CCDC62: variants seen among roughly 807,000 people sequenced by gnomAD.
The protein encoded by CCDC62 is coiled-coil domain containing 62, also known as coiled-coil domain-containing protein 62.
In CCDC62, 72 loss-of-function variants were observed where a neutral mutation model predicts 80.8. The ratio of observed to expected loss-of-function variants is 0.89; its 90% CI spans 0.74 to 1.08. The LOEUF is 1.08. Among genes scored for constraint, CCDC62 ranks in the 50% least tolerant of loss-of-function variants. The probability of loss-of-function intolerance (pLI) is 0.00; values close to 1 mark genes in which losing one functional copy is unlikely to be tolerated. For synonymous variants in CCDC62, 286 were observed against 296.5 expected (o/e 0.96, Z 0.36); for missense variants, 704 against 809.4 (o/e 0.87, Z 1.58).
intron 4 of CCDC62, among the ~76,000 whole-genome samples, chr12:122,787,746 T>C (rs2030350052): frequency 6.7e-6 from 1 of 149,996 alleles, no homozygotes; most frequent in Non-Finnish European, 1.5e-5. Flanking sequence ...CGAGACTTCA[T>C]CTGGAAAAAA....
At chr12:122,818,740 T>G (rs1459986591) in intron 11 of CCDC62, among the ~76,000 whole-genome samples, 7 of 151,928 alleles carry the variant, frequency 4.6e-5, no homozygotes, top group African/African-American at 1.7e-4. Context: ...CTGGGCAAGA[T>G]AGTGAGACCC....
At chr12:122,811,707 C>G (rs1488377663) in intron 10 of CCDC62, among the ~76,000 whole-genome samples, 5 of 150,136 alleles carry the variant, frequency 3.3e-5, no homozygotes, top group Non-Finnish European at 5.9e-5. Flanking sequence ...GTAGTCCCAG[C>G]TACTCGGGAG....
At chr12:122,795,449 G>A (rs916448123) in intron 6 of CCDC62, among the ~76,000 whole-genome samples, 1 of 148,584 alleles carries the variant, frequency 6.7e-6, no homozygotes, top group African/African-American at 2.5e-5. Flanking sequence ...TTTTTGAGAC[G>A]GAGTCTCGCT....
At chr12:122,820,293 G>A (rs2032347836) in intron 11 of CCDC62, among the ~76,000 whole-genome samples, 1 of 152,188 alleles carries the variant, frequency 6.6e-6, no homozygotes, top group African/African-American at 2.4e-5. Flanking sequence ...GAAAAAAGGA[G>A]TTAGAGTAAG....
intron 11 of CCDC62, among the ~76,000 whole-genome samples, chr12:122,814,045 GC>G (rs1314052033): frequency 6.6e-6 from 1 of 151,358 alleles, no homozygotes; most frequent in Non-Finnish European, 1.5e-5. Context: ...ACTTTGGGAG[GC>G]CGAGGCGGGT....
Position 122,826,566 on chromosome 12 carries a change from T to C in CCDC62, c.*185T>C. ...ACTAGAAAGTTAATTTTTAAACATCTACACTTCATTTTCAAGTTAACCATT... is the reference window on the plus strand; with the variant it reads ...ACTAGAAAGTTAATTTTTAAACATCCACACTTCATTTTCAAGTTAACCATT... On this transcript the variant is annotated 3_prime_UTR_variant, in exon 13 of 13. Coordinates refer to ENST00000253079, the MANE Select transcript of CCDC62 (RefSeq NM_201435.5). 1 of 662,750 alleles carries C rather than the reference T, an allele frequency of 1.5e-6. No individual in the cohort carries two copies. The highest frequency in any genetic ancestry group is 2.8e-6 in the Non-Finnish European group (1 of 363,378). The allele number at this position is 662,750 out of a possible 1,614,324, so 41.1% of individuals were successfully genotyped here.
intron 11 of CCDC62, among the ~76,000 whole-genome samples, chr12:122,818,548 T>C (rs1432724186): frequency 6.6e-6 from 1 of 151,350 alleles, no homozygotes; most frequent in African/African-American, 2.4e-5. Context: ...CGCTTGAGCA[T>C]GAGGTCAAGG....
At chr12:122,821,781 G>A (rs962503680) in intron 11 of CCDC62, among the ~76,000 whole-genome samples, 1 of 151,820 alleles carries the variant, frequency 6.6e-6, no homozygotes, top group Non-Finnish European at 1.5e-5. Flanking sequence ...AATAATAATT[G>A]TATATATTTA....
rs760263928 is a variant in CCDC62, at chr12:122,801,753, G to A, written c.1607G>A (p.Ser536Asn). ...PGHMSDVEWM[S>N]IFKPSKMQRI... Reference sequence around the variant, plus strand: ...CACATGTCTGACGTGGAGTGGATGAGTATTTTCAAGCCTTCCAAAATGCAG... The same window carrying A: ...CACATGTCTGACGTGGAGTGGATGAATATTTTCAAGCCTTCCAAAATGCAG... Residue 536 changes from serine (S) to asparagine (N), a missense_variant, in exon 9 of 13, where the codon AGT becomes AAT. Physicochemically the swap from Ser to Asn is conservative, Grantham distance 46 (BLOSUM62 1). Coordinates refer to ENST00000253079, the MANE Select transcript of CCDC62 (RefSeq NM_201435.5). 1.9e-6 allele frequency: 3 copies of A among 1,614,158 alleles called. No homozygotes were observed. The highest frequency in any genetic ancestry group is 1.1e-5 in the South Asian group (1 of 91,086).
At chr12:122,779,872 C>T (rs895622706) in intron 2 of CCDC62, among the ~76,000 whole-genome samples, 2 of 128,186 alleles carry the variant, frequency 1.6e-5, no homozygotes, top group Non-Finnish European at 3.1e-5. Flanking sequence ...CACACCACTG[C>T]ACTCCAGCCT....
rs992769136 is a variant in CCDC62 at position 122,826,410 on chromosome 12, A to G, written c.*41-12A>G. 5.1e-6 allele frequency: 4 copies of G among 779,884 alleles called. 1 individual carries two copies. Among genetic ancestry groups the G allele is most frequent in the Non-Finnish European group, 4.8e-6 (2 of 417,810 alleles). 48.3% of individuals were successfully genotyped at this position (779,884 alleles called of 1,614,324 possible). A position where few individuals can be genotyped will look rare whatever the true frequency, so the allele number is the denominator to read the frequency against. ...ATTTTATTAATGTTGTGTTTTCTTCATCCAAAAGCAGATTTCTCATCTATG... is the reference window on the plus strand; with the variant it reads ...ATTTTATTAATGTTGTGTTTTCTTCGTCCAAAAGCAGATTTCTCATCTATG... On this transcript the variant is annotated splice_polypyrimidine_tract_variant and intron_variant, in intron 12 of 12. Transcript: ENST00000253079.
At chr12:122,785,890 C>T in intron 4 of CCDC62, 70 bp downstream of exon 4, 1 of 1,026,514 alleles carries the variant, frequency 9.7e-7, no homozygotes, top group East Asian at 2.4e-5. Flanking sequence ...ATTATCTTAC[C>T]TAAGTCGCTA....
chr12:122,790,954 A>G (rs959832325), intron 5 of CCDC62, among the ~76,000 whole-genome samples: 1 of 152,122 alleles, frequency 6.6e-6, no homozygotes, highest in African/African-American at 2.4e-5. Flanking sequence ...AACCACATCT[A>G]TTTCTTCTTA....
At chr12:122,778,628 C>T (rs1345059585) in intron 2 of CCDC62, among the ~76,000 whole-genome samples, 1 of 151,960 alleles carries the variant, frequency 6.6e-6, no homozygotes, top group African/African-American at 2.4e-5. Flanking sequence ...GCCTGTAATC[C>T]CAGCACTTTG....
intron 11 of CCDC62, among the ~76,000 whole-genome samples, chr12:122,816,890 A>G (rs528183717): frequency 7.2e-5 from 11 of 152,248 alleles, no homozygotes; most frequent in African/African-American, 2.6e-4. Flanking sequence ...AGGAGACCCC[A>G]CATCCACAGC....
intron 11 of CCDC62, among the ~76,000 whole-genome samples, chr12:122,819,580 A>G (rs552035549): frequency 1.3e-5 from 2 of 152,330 alleles, no homozygotes; most frequent in East Asian, 3.9e-4. Context: ...AAATGATAGG[A>G]GGCCACCCAC....
In CCDC62 at chr12:122,789,854, G is replaced by A. The variant is rs138673215; in HGVS notation, c.670+925G>A. 5.7e-3 allele frequency among the ~76,000 whole-genome samples: 866 copies of A among 152,122 alleles called. 10 individuals are homozygous for A. Among genetic ancestry groups the A allele is most frequent in the African/African-American group, 0.02 (831 of 41,496 alleles). ...TGTAGCTTCAGCTAAAACCATAATC[G>A]TATTATCATCCCCTTGACAGCAGGA... On this transcript the variant is annotated intron_variant, in intron 5 of 12. Coordinates refer to ENST00000253079, the MANE Select transcript of CCDC62 (RefSeq NM_201435.5).
intron 11 of CCDC62, among the ~76,000 whole-genome samples, chr12:122,821,726 C>G (rs936730895): frequency 6.6e-6 from 1 of 151,966 alleles, no homozygotes; most frequent in Admixed American, 6.6e-5. Context: ...GGATTGCAGG[C>G]GTGAGCCACT....
At chr12:122,808,966 G>C (rs892048088) in intron 10 of CCDC62, among the ~76,000 whole-genome samples, 3 of 152,146 alleles carry the variant, frequency 2.0e-5, no homozygotes, top group African/African-American at 7.2e-5. Flanking sequence ...GGTATGAAGA[G>C]GTATCTCAGT....
Sources: gnomAD v4.1 joint callset for allele counts (sites outside exome capture counted in the v4.1 genomes callset) on GRCh38, gnomAD v4.1.1 for gene constraint, MANE v1.5 for transcripts, NCBI Gene and HGNC (gene_info 2026-07-23, HGNC 2026-07-21) for gene names.